Variants in COLQ observed in about 807,000 individuals in gnomAD.
The protein encoded by COLQ is acetylcholinesterase collagenic tail peptide.
A neutral mutation model predicts 69.0 loss-of-function variants in COLQ; 48 were observed. The observed-to-expected ratio is 0.70, with a 90% CI of 0.55 to 0.88. The LOEUF is 0.88. COLQ is among the 40% of genes least tolerant of loss of function. COLQ has a pLI of 0.00. For missense variants in COLQ, 618 were observed against 594.6 expected, an observed-to-expected ratio of 1.04 and a Z score of -0.41; for synonymous variants, 217 against 211.2, an observed-to-expected ratio of 1.03 and a Z score of -0.24.
rs905126365 is a variant in COLQ at position 15,498,900 on chromosome 3, C to G, written c.107-9263G>C. The G allele has an allele frequency of 2.4e-5, 32 of 1,307,970 alleles. No homozygotes were observed. In the African/African-American group the frequency reaches 3.4e-4, roughly 14 times the overall value. The allele number at this position is 1,307,970 out of a possible 1,614,324, so 81.0% of individuals were successfully genotyped here. On this transcript the variant is annotated intron_variant, in intron 1 of 16. Transcript: ENST00000383788. ...GGTTGGGAGCCCAGGGATACTTATC[C>G]CCCTGCAAGCCAAGAGGAAATTGAG...
At chr3:15,520,311 C>G (rs1363580227) in intron 1 of COLQ, among the ~76,000 whole-genome samples, 1 of 151,848 alleles carries the variant, frequency 6.6e-6, no homozygotes, top group East Asian at 1.9e-4. Context: ...CACAAATCTG[C>G]CCCCACCTCC....
In COLQ at chr3:15,458,787, A is replaced by C. The variant is rs959042462; in HGVS notation, c.815-462T>G. On this transcript the variant is annotated intron_variant, in intron 12 of 16. Transcript: ENST00000383788. ...AACAGAGGGCTTCTTGCCGACAAAC[A>C]CATTATTGACTGTTAACTTTTATTG... 2.6e-5 allele frequency among the ~76,000 whole-genome samples: 4 copies of C among 152,130 alleles called. No homozygotes were observed. The South Asian group carries it at 8.3e-4, about 31-fold the overall frequency.
chr3:15,462,116 C>G (rs1433013426), intron 12 of COLQ, among the ~76,000 whole-genome samples: 1 of 152,094 alleles, frequency 6.6e-6, no homozygotes, highest in African/African-American at 2.4e-5. Context: ...GTAACCTCCG[C>G]CTCCCGGGTT....
chr3:15,458,751 A>C (rs2062062617), intron 12 of COLQ, among the ~76,000 whole-genome samples: 1 of 152,262 alleles, frequency 6.6e-6, no homozygotes, highest in Non-Finnish European at 1.5e-5. Context: ...TTATTTGTTT[A>C]GACCATTATT....
In COLQ at chr3:15,473,949, G is replaced by A. The variant is rs1358444794; in HGVS notation, c.636+51C>T. 2.5e-6 allele frequency: 4 copies of A among 1,589,312 alleles called. No individual in the cohort carries two copies. Among genetic ancestry groups the A allele is most frequent in the Non-Finnish European group, 3.5e-6 (4 of 1,157,850 alleles). Reference sequence around the variant, plus strand: ...CAGAGTTCTTTTTGTTGTGCTTGGAGGACCTGATATTTTTATTGAGGCCTA... The same window carrying A: ...CAGAGTTCTTTTTGTTGTGCTTGGAAGACCTGATATTTTTATTGAGGCCTA... On this transcript the variant is annotated intron_variant, in intron 10 of 16. Transcript: ENST00000383788. The surrounding 1 kb of genome is among the most constrained non-coding windows in gnomAD (Gnocchi z 4.0).
intron 3 of COLQ, among the ~76,000 whole-genome samples, chr3:15,479,602 T>C (rs2062441634): frequency 6.6e-6 from 1 of 152,206 alleles, no homozygotes; most frequent in South Asian, 2.1e-4. Flanking sequence ...AGTGGCTCCA[T>C]GGTTGCAATG....
intron 1 of COLQ, among the ~76,000 whole-genome samples, chr3:15,505,442 C>G (rs1441056323): frequency 6.6e-6 from 1 of 152,180 alleles, no homozygotes; most frequent in Non-Finnish European, 1.5e-5. Flanking sequence ...AATCCATCCC[C>G]CTTTCCCTGA....
chr3:15,450,571 C>T lies in COLQ; in HGVS notation c.*1073G>A, dbSNP rs561918872. Reference sequence around the variant, plus strand: ...CTCACAGACATGCACGACTAATAATCTTATTGAAAAGGGAGGAGCTCAGGC... The same window carrying T: ...CTCACAGACATGCACGACTAATAATTTTATTGAAAAGGGAGGAGCTCAGGC... On this transcript the variant is annotated 3_prime_UTR_variant, in exon 17 of 17. Transcript: ENST00000383788. 1 of 153,914 alleles carries T rather than the reference C, an allele frequency of 6.5e-6. No individual in the cohort carries two copies. Among genetic ancestry groups the T allele is most frequent in the African/African-American group, 2.4e-5 (1 of 41,568 alleles). The allele number at this position is 153,914 out of a possible 1,614,324, so 9.5% of individuals were successfully genotyped here. A position where few individuals can be genotyped will look rare whatever the true frequency, so the allele number is the denominator to read the frequency against.
At chr3:15,506,385 C>T (rs1217427455) in intron 1 of COLQ, among the ~76,000 whole-genome samples, 1 of 152,150 alleles carries the variant, frequency 6.6e-6, no homozygotes, top group Non-Finnish European at 1.5e-5. Flanking sequence ...AAATTCAAAA[C>T]ATACAAACAA....
At chr3:15,499,526 G>A (rs1575490605) in intron 1 of COLQ, among the ~76,000 whole-genome samples, 1 of 152,216 alleles carries the variant, frequency 6.6e-6, no homozygotes, top group South Asian at 2.1e-4. Context: ...ATGAAGGAAT[G>A]AGATTGGTCA....
chr3:15,514,739 A>T (rs1419699587), intron 1 of COLQ, among the ~76,000 whole-genome samples: 3 of 152,184 alleles, frequency 2.0e-5, no homozygotes, highest in Non-Finnish European at 4.4e-5. Flanking sequence ...CCCAGAGACC[A>T]GAGTCACATG....
At chr3:15,455,613 A>T (rs1288644778) in intron 15 of COLQ, among the ~76,000 whole-genome samples, 1 of 152,216 alleles carries the variant, frequency 6.6e-6, no homozygotes, top group Non-Finnish European at 1.5e-5. Flanking sequence ...GCTAAGATGT[A>T]GGACTGGGAG....
chr3:15,475,240 C>T, intron 7 of COLQ, 185 bp downstream of exon 7: 1 of 676,478 alleles, frequency 1.5e-6, no homozygotes, highest in Non-Finnish European at 2.5e-6. Flanking sequence ...GCAGGAATGG[C>T]ATCCCTATGC....
intron 1 of COLQ, among the ~76,000 whole-genome samples, chr3:15,505,525 T>C (rs2062897855): frequency 6.6e-6 from 1 of 152,228 alleles, no homozygotes; most frequent in Non-Finnish European, 1.5e-5. Context: ...TTTGACCAAA[T>C]GGCATGTGGT....
chr3:15,453,467 C>T (rs1381208026), intron 16 of COLQ, among the ~76,000 whole-genome samples: 2 of 152,222 alleles, frequency 1.3e-5, no homozygotes, highest in Non-Finnish European at 2.9e-5. Flanking sequence ...CTTTACTCTC[C>T]ACTGGGCTTC....
chr3:15,517,361 G>A (rs1268676567), intron 1 of COLQ, among the ~76,000 whole-genome samples: 1 of 152,166 alleles, frequency 6.6e-6, no homozygotes, highest in Non-Finnish European at 1.5e-5. Flanking sequence ...TTTCTGAGCT[G>A]CCATTTCCTC....
At chr3:15,488,424 A>T (rs1014115839) in intron 2 of COLQ, 117 bp from the exon 3 acceptor site, 1 of 797,406 alleles carries the variant, frequency 1.3e-6, no homozygotes, top group Non-Finnish European at 2.1e-6. Flanking sequence ...GTTCCCTGAC[A>T]CCCCAATGAC....
chr3:15,510,452 T>C (rs1168384408), intron 1 of COLQ, among the ~76,000 whole-genome samples: 1 of 150,392 alleles, frequency 6.6e-6, no homozygotes, highest in Non-Finnish European at 1.5e-5. Context: ...CTCATGCCTA[T>C]AATCCCAGCA....
intron 5 of COLQ, chr3:15,478,657 T>C (rs2062422168): frequency 2.0e-6 from 1 of 488,592 alleles, no homozygotes. Context: ...GTTGGAGCTA[T>C]GAAGGGTTTC....
Sources: allele counts gnomAD v4.1 joint callset (sites outside exome capture counted in the v4.1 genomes callset), GRCh38; gene constraint gnomAD v4.1.1; non-coding constraint Gnocchi (gnomAD v3.1); transcripts MANE v1.5; gene names NCBI Gene and HGNC (gene_info 2026-07-23, HGNC 2026-07-21).